Variants in FBXL13 observed in about 807,000 individuals in gnomAD.
FBXL13 encodes the protein F-box and leucine rich repeat protein 13.
A neutral mutation model predicts 83.6 loss-of-function variants in FBXL13; 67 were observed. The observed-to-expected ratio is 0.80, with a 90% confidence interval of 0.66 to 0.98. The LOEUF (loss-of-function observed/expected upper bound fraction) is 0.98. Ranked by LOEUF, FBXL13 falls within the 50% of genes least tolerant of loss-of-function variation. The probability of loss-of-function intolerance (pLI) is 0.00; values close to 1 mark genes in which losing one functional copy is unlikely to be tolerated. For missense variants in FBXL13, 822 were observed against 866.5 expected, an observed-to-expected ratio of 0.95 and a Z score of 0.64; for synonymous variants, 272 against 299.5, an observed-to-expected ratio of 0.91 and a Z score of 0.95.
At chr7:103,020,157 A>AG (rs1158843062) in intron 6 of FBXL13, among the ~76,000 whole-genome samples, 1 of 152,210 alleles carries the variant, frequency 6.6e-6, no homozygotes, top group Admixed American at 6.5e-5. Context: ...CTGGGATGCA[A>AG]GGCTGGTTCA....
chr7:102,949,597 CT>C, intron 8 of FBXL13, among the ~76,000 whole-genome samples: 1 of 152,092 alleles, frequency 6.6e-6, no homozygotes, highest in South Asian at 2.1e-4. Flanking sequence ...ATTACATTTG[CT>C]TCCTTAAAAA....
chr7:102,944,093 C>CTTTA, intron 8 of FBXL13: 2 of 800,434 alleles, frequency 2.5e-6, no homozygotes, highest in Middle Eastern at 3.8e-4. Context: ...AAAGAAATCT[C>CTTTA]TTTATTTTCA....
At chr7:102,887,640 A>G (rs191132212) in intron 11 of FBXL13, among the ~76,000 whole-genome samples, 2 of 152,348 alleles carry the variant, frequency 1.3e-5, no homozygotes, top group Admixed American at 1.3e-4. Context: ...TCAGTCTTGG[A>G]GACCTGTCTT....
At chr7:103,042,244 T>C (rs955356676) in intron 2 of FBXL13, among the ~76,000 whole-genome samples, 1 of 151,960 alleles carries the variant, frequency 6.6e-6, no homozygotes, top group Non-Finnish European at 1.5e-5. Flanking sequence ...GAGAATAAAA[T>C]ACCTAGGAAT....
chr7:102,883,164 G>C lies in FBXL13; in HGVS notation c.1388+141C>G, dbSNP rs1810342729. On this transcript the variant is annotated intron_variant, in intron 14 of 19. Coordinates refer to ENST00000313221, the Ensembl canonical transcript of FBXL13. ...GGAGCCCCTCTTTCTTATAACTACA[G>C]AACTCTGCACTTACCTCTACTTTAA... 25 of 735,358 alleles carry C rather than the reference G, an allele frequency of 3.4e-5. No individual in the cohort carries two copies. In the South Asian group the frequency reaches 7.9e-4, roughly 23 times the overall value. The allele number at this position is 735,358 out of a possible 1,614,324, so 45.6% of individuals were successfully genotyped here.
chr7:103,006,663 G>T (rs968833785), intron 6 of FBXL13, among the ~76,000 whole-genome samples: 1 of 152,000 alleles, frequency 6.6e-6, no homozygotes, highest in African/African-American at 2.4e-5. Flanking sequence ...ACAACATTTA[G>T]ACACTCAACA....
At chr7:102,822,183 C>T (rs370297636) in exon 19 of FBXL13, 1 of 1,613,974 alleles carries the variant, frequency 6.2e-7, no homozygotes, top group Non-Finnish European at 8.5e-7. Flanking sequence ...CCGATAACAT[C>T]TCCATTGCTG....
chr7:102,867,341 C>A (rs115903576), intron 16 of FBXL13, among the ~76,000 whole-genome samples: 105 of 151,692 alleles, frequency 6.9e-4, no homozygotes, highest in African/African-American at 2.5e-3. Context: ...CTAAGTGACA[C>A]AGAAAGACTC....
chr7:103,022,182 G>A (rs941249856), intron 6 of FBXL13, among the ~76,000 whole-genome samples: 1 of 152,128 alleles, frequency 6.6e-6, no homozygotes, highest in Non-Finnish European at 1.5e-5. Flanking sequence ...CCTTTGTAGG[G>A]ACATGGATGA....
At chr7:103,023,573 A>T (rs1296587598) in intron 6 of FBXL13, among the ~76,000 whole-genome samples, 1 of 152,228 alleles carries the variant, frequency 6.6e-6, no homozygotes, top group Non-Finnish European at 1.5e-5. Context: ...GCCATTTCTC[A>T]AAGAACATAA....
At chr7:102,964,402 A>ATT (rs1186354806) in intron 7 of FBXL13, among the ~76,000 whole-genome samples, 5 of 134,750 alleles carry the variant, frequency 3.7e-5, no homozygotes, top group Admixed American at 2.1e-4. Context: ...ATATATATAT[A>ATT]TATTTTTTTT....
intron 17 of FBXL13, among the ~76,000 whole-genome samples, chr7:102,853,597 G>A (rs1467166014): frequency 1.3e-5 from 2 of 152,046 alleles, no homozygotes; most frequent in African/African-American, 4.8e-5. Flanking sequence ...CACAAAATGG[G>A]AGAAAATTTT....
chr7:103,053,334 G>C (rs941962838), intron 2 of FBXL13, among the ~76,000 whole-genome samples: 1 of 151,462 alleles, frequency 6.6e-6, no homozygotes, highest in African/African-American at 2.4e-5. Context: ...TGTACTTTTA[G>C]TAGAGACAGG....
intron 19 of FBXL13, among the ~76,000 whole-genome samples, chr7:102,819,703 C>G (rs758076274): frequency 1.3e-5 from 2 of 152,182 alleles, no homozygotes; most frequent in South Asian, 2.1e-4. Context: ...AAAAATCTCT[C>G]TTATCCCACC....
At chr7:102,903,939 C>CTTTTTTTTTTTTTTTTTTT (rs1166655004) in intron 11 of FBXL13, among the ~76,000 whole-genome samples, 4 of 43,454 alleles carry the variant, frequency 9.2e-5, no homozygotes, top group African/African-American at 1.0e-4. Flanking sequence ...CTTTTCTTTT[C>CTTTTTTTTTTTTTTTTTTT]TTTTTTTTTT....
intron 7 of FBXL13, among the ~76,000 whole-genome samples, chr7:102,964,512 C>G (rs2129479943): frequency 6.6e-6 from 1 of 151,340 alleles, no homozygotes; most frequent in East Asian, 2.0e-4. Flanking sequence ...AAGTGATTCT[C>G]CTGCCTCAGC....
intron 11 of FBXL13, among the ~76,000 whole-genome samples, chr7:102,903,104 AGT>A (rs1350153682): frequency 6.6e-6 from 1 of 151,946 alleles, no homozygotes; most frequent in Non-Finnish European, 1.5e-5. Context: ...TTTATTCATC[AGT>A]GTTTCATAGT....
At chr7:102,894,319 G>T (rs374686718) in intron 11 of FBXL13, among the ~76,000 whole-genome samples, 4 of 152,180 alleles carry the variant, frequency 2.6e-5, no homozygotes, top group African/African-American at 7.2e-5. Context: ...AACAGTACAA[G>T]AACTGATAAG....
chr7:103,053,939 C>T (rs889768738), intron 2 of FBXL13, among the ~76,000 whole-genome samples: 1 of 152,234 alleles, frequency 6.6e-6, no homozygotes. Flanking sequence ...GATTAGGATC[C>T]AGTGTTACTC....
Sources: gnomAD v4.1 joint callset for allele counts (sites outside exome capture counted in the v4.1 genomes callset) on GRCh38, gnomAD v4.1.1 for gene constraint, MANE v1.5 for transcripts, NCBI Gene and HGNC (gene_info 2026-07-23, HGNC 2026-07-21) for gene names.